LAMP5: variants seen among roughly 807,000 people sequenced by gnomAD.
LAMP5 encodes the protein lysosome associated membrane protein 5.
LAMP5 carries 36 observed loss-of-function variants against 30.2 expected under a neutral mutation model. That is an observed-to-expected ratio of 1.19 (90% CI 0.91 to 1.57). LAMP5 has a LOEUF of 1.57. Among genes scored for constraint, LAMP5 ranks in the 40% most tolerant of loss-of-function variants. The pLI, the probability that LAMP5 is intolerant of heterozygous loss-of-function variation, is 0.00. For synonymous variants in LAMP5, 149 were observed against 134.6 expected, an observed-to-expected ratio of 1.11 and a Z score of -0.74; for missense variants, 377 against 354.9, an observed-to-expected ratio of 1.06 and a Z score of -0.50.
chr20:9,526,671 A>T (rs79186067), intron 5 of LAMP5, among the ~76,000 whole-genome samples: 3 of 152,128 alleles, frequency 2.0e-5, no homozygotes, highest in East Asian at 3.9e-4. Context: ...TGGGGGGAAA[A>T]GTTTCCTGAA....
At chr20:9,526,299 T>C (rs963855287) in intron 5 of LAMP5, among the ~76,000 whole-genome samples, 9 of 152,258 alleles carry the variant, frequency 5.9e-5, no homozygotes, top group Admixed American at 3.9e-4. Context: ...TTCTATTCAA[T>C]GTATTGTATT....
chr20:9,516,913 C>T (rs2122830481), intron 4 of LAMP5, among the ~76,000 whole-genome samples: 1 of 152,228 alleles, frequency 6.6e-6, no homozygotes, highest in East Asian at 1.9e-4. Context: ...CTGGCCCATC[C>T]CTCCGACAAC....
intron 5 of LAMP5, among the ~76,000 whole-genome samples, chr20:9,518,770 A>G (rs2045060309): frequency 1.3e-5 from 2 of 152,224 alleles, no homozygotes; most frequent in African/African-American, 2.4e-5. Flanking sequence ...CTAGTTGAAG[A>G]TTCTGCTGCT....
intron 5 of LAMP5, among the ~76,000 whole-genome samples, chr20:9,519,147 T>C (rs1311917620): frequency 3.3e-5 from 5 of 152,234 alleles, no homozygotes; most frequent in Admixed American, 6.5e-5. Flanking sequence ...ATAAATGAAT[T>C]CATATCATTT....
At chr20:9,525,815 A>G (rs1414629891) in intron 5 of LAMP5, among the ~76,000 whole-genome samples, 1 of 152,160 alleles carries the variant, frequency 6.6e-6, no homozygotes, top group Non-Finnish European at 1.5e-5. Flanking sequence ...GGGGCCACAC[A>G]GAACACCACC....
Position 9,516,250 on chromosome 20 carries a change from C to G in LAMP5, c.370-6C>G, listed in dbSNP as rs778513524. 1 of 1,614,062 alleles carries G rather than the reference C, an allele frequency of 6.2e-7. No individual in the cohort carries two copies. The highest frequency in any genetic ancestry group is 8.5e-7 in the Non-Finnish European group (1 of 1,179,936). The stretch of plus-strand genomic sequence containing the variant: ...ACGATTGAAGCGCACCTCCCCGGCT[C>G]AACAGGAAAGCCACAACATGTCCAA... On this transcript the variant is annotated splice_region_variant and splice_polypyrimidine_tract_variant and intron_variant, in intron 3 of 5. Coordinates refer to ENST00000246070, the MANE Select transcript of LAMP5 (RefSeq NM_012261.4).
chr20:9,520,605 GTT>G (rs1555891400), intron 5 of LAMP5, among the ~76,000 whole-genome samples: 2 of 150,852 alleles, frequency 1.3e-5, no homozygotes, highest in African/African-American at 4.9e-5. Flanking sequence ...GTGTGTGTGT[GTT>G]TGTGTGTTCA....
rs753814250 is a variant in LAMP5, at chr20:9,514,949, C to T, written c.64+33C>T. The T allele has an allele frequency of 9.4e-6, 15 of 1,594,122 alleles. No homozygotes were observed. In the African/African-American group the frequency reaches 1.7e-4, roughly 19 times the overall value. ...GCGATTTGGCGACTGGGAGAGAGGA[C>T]GGGCACTCTTTGCAGAGAACAGAGC... On this transcript the variant is annotated intron_variant, in intron 1 of 5. Transcript: ENST00000246070.
At chr20:9,515,765 A>T in intron 2 of LAMP5, 140 bp downstream of exon 2, 2 of 1,030,990 alleles carry the variant, frequency 1.9e-6, no homozygotes, top group South Asian at 3.2e-5. Flanking sequence ...CTGCATGGGG[A>T]TTCCAGCTTG....
chr20:9,519,808 T>C (rs2045067600), intron 5 of LAMP5, among the ~76,000 whole-genome samples: 1 of 152,230 alleles, frequency 6.6e-6, no homozygotes, highest in African/African-American at 2.4e-5. Flanking sequence ...TGATTAGCTG[T>C]TACTAGGCGC....
chr20:9,528,381 A>G (rs533160003), intron 5 of LAMP5, among the ~76,000 whole-genome samples: 44 of 152,140 alleles, frequency 2.9e-4, no homozygotes, highest in African/African-American at 1.1e-3. Flanking sequence ...ATGAGTACAA[A>G]CATATAGTTA....
At chr20:9,515,326 A>G (rs2122826735) in intron 1 of LAMP5, 127 bp from the exon 2 acceptor site, 3 of 774,250 alleles carry the variant, frequency 3.9e-6, no homozygotes, top group Non-Finnish European at 6.1e-6. Context: ...AACGGCTCGT[A>G]GAGCGCACAG....
intron 5 of LAMP5, among the ~76,000 whole-genome samples, chr20:9,523,733 T>A (rs1327782918): frequency 1.3e-5 from 2 of 151,952 alleles, no homozygotes; most frequent in African/African-American, 4.8e-5. Context: ...TCCTAAGTCC[T>A]GTGGAGGTGG....
In LAMP5 at chr20:9,529,983, G is replaced by A. The variant is rs922019860; in HGVS notation, c.*163G>A. ...GGCTTGTGTCCATGCTTAAACCCACGGAAGGGGGAGACTCTTTCGGATTTG... is the reference window on the plus strand; with the variant it reads ...GGCTTGTGTCCATGCTTAAACCCACAGAAGGGGGAGACTCTTTCGGATTTG... On this transcript the variant is annotated 3_prime_UTR_variant, in exon 6 of 6. Transcript: ENST00000246070. The A allele has an allele frequency of 3.0e-4, 178 of 590,064 alleles. 1 individual carries two copies. The highest frequency in any genetic ancestry group is 9.5e-4 in the Admixed American group (31 of 32,568). The allele number at this position is 590,064 out of a possible 1,614,324, so 36.6% of individuals were successfully genotyped here.
At chr20:9,526,885 T>TATATATATATATACACA (rs2045117626) in intron 5 of LAMP5, among the ~76,000 whole-genome samples, 1 of 117,940 alleles carries the variant, frequency 8.5e-6, no homozygotes, top group South Asian at 2.6e-4. Context: ...TATATATATA[T>TATATATATATATACACA]ATATATATAT....
At position 9,529,838 on chromosome 20, in the gene LAMP5, C is replaced by T. The variant is rs759637113; in HGVS notation, c.*18C>T. 1 of 1,611,320 alleles carries T rather than the reference C, an allele frequency of 6.2e-7. No individual in the cohort carries two copies. The highest frequency in any genetic ancestry group is 1.3e-5 in the African/African-American group (1 of 75,018). ...TGGGCTAGAGGCCGTTAGGCAGGCA[C>T]CCCCTATTCCTGCTCCCCCAACTGG... On this transcript the variant is annotated 3_prime_UTR_variant, in exon 6 of 6. Transcript: ENST00000246070.
chr20:9,521,106 G>T (rs1003759470), intron 5 of LAMP5, among the ~76,000 whole-genome samples: 2 of 152,166 alleles, frequency 1.3e-5, no homozygotes, highest in African/African-American at 4.8e-5. Flanking sequence ...AAAGGGATTT[G>T]TGAGAAGGGA....
intron 5 of LAMP5, among the ~76,000 whole-genome samples, chr20:9,522,358 C>T (rs1189418001): frequency 6.6e-6 from 1 of 152,150 alleles, no homozygotes; most frequent in Non-Finnish European, 1.5e-5. Flanking sequence ...CTGTGGCAAG[C>T]TGTCATGTCA....
chr20:9,516,378 A>G lies in LAMP5; in HGVS notation c.475+17A>G, dbSNP rs745837309. ...CAGTCAGTGGTGAGTGGAGGCTGGC[A>G]TGGCTGGGGAGGGAGCCTGGGAACT... is the stretch of plus-strand genomic sequence containing the variant. On this transcript the variant is annotated intron_variant, in intron 4 of 5. Transcript: ENST00000246070. 16 of 1,593,840 alleles carry G rather than the reference A, an allele frequency of 1.0e-5. No individual in the cohort carries two copies.
Sources: gnomAD v4.1 joint callset for allele counts (sites outside exome capture counted in the v4.1 genomes callset) on GRCh38, gnomAD v4.1.1 for gene constraint, MANE v1.5 for transcripts, NCBI Gene and HGNC (gene_info 2026-07-23, HGNC 2026-07-21) for gene names.